Variants in STARD10 observed in about 807,000 individuals in gnomAD.
The protein encoded by STARD10 is StAR related lipid transfer domain containing 10, also known as START domain-containing protein 10.
A neutral mutation model predicts 36.0 loss-of-function variants in STARD10; 24 were observed. The observed-to-expected ratio is 0.67, with a 90% CI of 0.48 to 0.94. The LOEUF (loss-of-function observed/expected upper bound fraction) is 0.94. Among genes scored for constraint, STARD10 ranks in the 40% least tolerant of loss-of-function variants. The probability of loss-of-function intolerance (pLI) is 0.00; values close to 1 mark genes in which losing one functional copy is unlikely to be tolerated. For synonymous variants in STARD10, 156 were observed against 161.9 expected, an observed-to-expected ratio of 0.96 and a Z score of 0.28; for missense variants, 335 against 396.6, an observed-to-expected ratio of 0.84 and a Z score of 1.32.
chr11:72,787,563 C>T (rs1004825385), intron 1 of STARD10, among the ~76,000 whole-genome samples: 21 of 152,270 alleles, frequency 1.4e-4, no homozygotes, highest in African/African-American at 5.1e-4. Context: ...ACACCCCGCT[C>T]TGCCTGCTGG....
At position 72,781,328 on chromosome 11, in the gene STARD10, G is replaced by C. The variant is rs1858994623; in HGVS notation, c.-113-34C>G. 1.5e-6 allele frequency: 1 copy of C among 673,964 alleles called. No individual in the cohort carries two copies. The highest frequency in any genetic ancestry group is 2.6e-5 in the Admixed American group (1 of 37,804). 41.7% of individuals were successfully genotyped at this position (673,964 alleles called of 1,614,324 possible). ...CCGGTTTGGGGACGGGAATCAGTGC[G>C]CTGGGGGCGCGGGTGGGGCTGTTCG... On this transcript the variant is annotated intron_variant, in intron 1 of 6. Coordinates refer to ENST00000334805, the MANE Select transcript of STARD10 (RefSeq NM_006645.3). The surrounding 1 kb of genome is among the most constrained non-coding windows in gnomAD (Gnocchi z 4.7).
rs1859167250 is a variant in STARD10 at position 72,793,009 on chromosome 11, T to C, written c.-248A>G. ...TTCCTCCATCAGGCCAAGGTGGGGG[T>C]AGGAGAAGAATTGGGAACAGGGACT... is the stretch of plus-strand genomic sequence containing the variant. On this transcript the variant is annotated 5_prime_UTR_variant, in exon 1 of 7. Transcript: ENST00000334805. 1.3e-5 allele frequency: 2 copies of C among 152,280 alleles called. No homozygotes were observed. Among genetic ancestry groups the C allele is most frequent in the African/African-American group, 4.8e-5 (2 of 41,320 alleles). The allele number at this position is 152,280 out of a possible 1,614,324, so 9.4% of individuals were successfully genotyped here.
In STARD10 at chr11:72,781,129, C is replaced by T. The variant is rs759957038; in HGVS notation, c.53G>A (p.Gly18Asp). The change falls in exon 2 of 7, where the codon GGC becomes GAC. Residue 18 changes from glycine to aspartate, a missense_variant. By Grantham distance (94) the Gly-to-Asp change is moderately conservative. Coordinates refer to ENST00000334805, the MANE Select transcript of STARD10 (RefSeq NM_006645.3). This position sits in a 1 kb window ranked among gnomAD's most constrained non-coding sequence, Gnocchi z 4.7. The stretch of plus-strand genomic sequence containing the variant: ...ATCGGGCACCTGGACACTCTCACGG[C>T]CCAGGACCGGCCGAGGCCCTTGGGG... ...TEPQGPRPVLGRESVQVPDDQ... is the reference protein window; with the variant it reads ...TEPQGPRPVLDRESVQVPDDQ... 1 of 1,613,618 alleles carries T rather than the reference C, an allele frequency of 6.2e-7. No individual in the cohort carries two copies. The highest frequency in any genetic ancestry group is 1.1e-5 in the South Asian group (1 of 91,088).
At chr11:72,758,692 G>T in intron 3 of STARD10, 59 bp from the exon 4 acceptor site, 1 of 1,299,538 alleles carries the variant, frequency 7.7e-7, no homozygotes. Context: ...ACAAGGGAGG[G>T]TGTGGCAGAG....
chr11:72,764,252 C>CCTT (rs1427056486), intron 2 of STARD10, among the ~76,000 whole-genome samples: 1 of 152,198 alleles, frequency 6.6e-6, no homozygotes, highest in Non-Finnish European at 1.5e-5. Flanking sequence ...GCCCATGCTG[C>CCTT]CCCATCCTCC....
In STARD10 at chr11:72,758,569, G is replaced by A. The variant is rs762870222; in HGVS notation, c.420C>T (p.Gly140=). 1.5e-5 allele frequency: 25 copies of A among 1,613,978 alleles called. No homozygotes were observed. Among genetic ancestry groups the A allele is most frequent in the East Asian group, 2.2e-5 (1 of 44,898 alleles). Residue 140 remains glycine, a synonymous_variant, in exon 4 of 7, where the codon GGC becomes GGT. Coordinates refer to ENST00000334805, the MANE Select transcript of STARD10 (RefSeq NM_006645.3). ...VITLRSWLPM[G]ADYIIMNYSV... is the part of the protein sequence containing the mutation. ...AGTAGTTCATAATGATGTAATCAGC[G>A]CCCATGGGGAGCCAGGAGCGGAGGG...
At chr11:72,775,673 G>A (rs912437308) in intron 2 of STARD10, among the ~76,000 whole-genome samples, 31 of 152,124 alleles carry the variant, frequency 2.0e-4, no homozygotes, top group Non-Finnish European at 1.9e-4. Context: ...TGTGACAAGT[G>A]TGTGTCTCAG....
At chr11:72,789,518 G>A (rs1169963477) in intron 1 of STARD10, among the ~76,000 whole-genome samples, 1 of 152,200 alleles carries the variant, frequency 6.6e-6, no homozygotes, top group Non-Finnish European at 1.5e-5. Context: ...AATGGCATTT[G>A]CTCCTTGCAC....
At chr11:72,787,084 C>CAAAAA (rs765529093) in intron 1 of STARD10, among the ~76,000 whole-genome samples, 1 of 72,016 alleles carries the variant, frequency 1.4e-5, no homozygotes, top group Non-Finnish European at 2.8e-5. Flanking sequence ...ACCCTGTGTC[C>CAAAAA]AAAAAAAAAA....
rs1054486916 is a variant in STARD10 at position 72,780,659 on chromosome 11, G to A, written c.207+316C>T. ...CCAGGTGCAGGCTTCCCCAGCAGAGGGGTCCCTGAGGGAGACCACTCTCCT... is the reference window on the plus strand; with the variant it reads ...CCAGGTGCAGGCTTCCCCAGCAGAGAGGTCCCTGAGGGAGACCACTCTCCT... On this transcript the variant is annotated intron_variant, in intron 2 of 6. Coordinates refer to ENST00000334805, the MANE Select transcript of STARD10 (RefSeq NM_006645.3). 38 of 435,332 alleles carry A rather than the reference G, an allele frequency of 8.7e-5. No individual in the cohort carries two copies. In the Admixed American group the frequency reaches 1.2e-3, roughly 14 times the overall value. 27.0% of individuals were successfully genotyped at this position (435,332 alleles called of 1,614,324 possible).
At chr11:72,790,644 T>C (rs1391717015) in intron 1 of STARD10, among the ~76,000 whole-genome samples, 5 of 152,190 alleles carry the variant, frequency 3.3e-5, no homozygotes, top group Admixed American at 1.3e-4. Flanking sequence ...CCCCACACCC[T>C]GAAAGGGCCA....
intron 2 of STARD10, among the ~76,000 whole-genome samples, chr11:72,777,137 G>A (rs905183499): frequency 1.3e-5 from 2 of 152,232 alleles, no homozygotes; most frequent in Non-Finnish European, 2.9e-5. Context: ...AGGTCACCTG[G>A]AACTGTCTGT....
Position 72,754,950 on chromosome 11 carries a change from G to T in STARD10, c.823C>A (p.Arg275=). 6.2e-7 allele frequency: 1 copy of T among 1,607,106 alleles called. No homozygotes were observed. The highest frequency in any genetic ancestry group is 8.5e-7 in the Non-Finnish European group (1 of 1,178,874). The change falls in exon 7 of 7, where the codon CGG becomes AGG. Residue 275 remains arginine, a synonymous_variant. Coordinates refer to ENST00000334805, the MANE Select transcript of STARD10 (RefSeq NM_006645.3). ...CCCTCGCCGCCCGCGCCGCCCATCC[G>T]CTCCTCTCTGCTCTCGGCCACCGCG... The part of the protein sequence containing the change: ...ESAVAESREE[R]MGGAGGEGSD...
rs519790 is a variant in STARD10, at chr11:72,793,096, C to G, written c.-335G>C. On this transcript the variant is annotated 5_prime_UTR_variant, in exon 1 of 7. Coordinates refer to ENST00000334805, the MANE Select transcript of STARD10 (RefSeq NM_006645.3). ...CCTGTATCCAACAAAGACACTGACCCCTGGGGTACAAGGAAGGGCTCCAGG... is the reference window on the plus strand; with the variant it reads ...CCTGTATCCAACAAAGACACTGACCGCTGGGGTACAAGGAAGGGCTCCAGG... The G allele has an allele frequency of 0.34, 51,005 of 152,110 alleles. 8,720 individuals are homozygous for G. The highest frequency in any genetic ancestry group is 0.38 in the African/African-American group (15,653 of 41,454). The allele number at this position is 152,110 out of a possible 1,614,324, so 9.4% of individuals were successfully genotyped here.
intron 1 of STARD10, among the ~76,000 whole-genome samples, chr11:72,787,252 C>T (rs1025376402): frequency 3.9e-5 from 6 of 152,144 alleles, no homozygotes; most frequent in African/African-American, 1.4e-4. Flanking sequence ...GTCCTGCTTC[C>T]TCTTCCAGCC....
chr11:72,759,577 G>A (rs1319124640), intron 2 of STARD10, among the ~76,000 whole-genome samples, 196 bp from the exon 3 acceptor site: 1 of 152,166 alleles, frequency 6.6e-6, no homozygotes, highest in African/African-American at 2.4e-5. Context: ...CCAGGAGACA[G>A]ACAGCCTCTG....
At chr11:72,755,609 C>A in intron 6 of STARD10, 92 bp downstream of exon 6, 4 of 1,434,636 alleles carry the variant, frequency 2.8e-6, no homozygotes, top group Non-Finnish European at 3.9e-6. Flanking sequence ...CCACGCCTGG[C>A]CCTCAGGCTC....
intron 2 of STARD10, among the ~76,000 whole-genome samples, chr11:72,772,173 G>T (rs1858868853): frequency 6.6e-6 from 1 of 151,716 alleles, no homozygotes; most frequent in Non-Finnish European, 1.5e-5. Flanking sequence ...CCTGTGCCCG[G>T]TGCTGCCATA....
intron 2 of STARD10, among the ~76,000 whole-genome samples, chr11:72,776,078 A>T: frequency 6.6e-6 from 1 of 152,158 alleles, no homozygotes; most frequent in Non-Finnish European, 1.5e-5. Flanking sequence ...CTCTGGAACT[A>T]CTTCTTCCAG....
Sources: gnomAD v4.1 joint callset for allele counts (sites outside exome capture counted in the v4.1 genomes callset) on GRCh38, gnomAD v4.1.1 for gene constraint, Gnocchi (gnomAD v3.1) non-coding constraint, MANE v1.5 for transcripts, NCBI Gene and HGNC (gene_info 2026-07-23, HGNC 2026-07-21) for gene names.